ISX: variants seen among roughly 807,000 people sequenced by gnomAD.
ISX encodes intestine specific homeobox, also known as intestine-specific homeobox.
ISX carries 15 observed loss-of-function variants against 16.9 expected under a neutral mutation model. The observed-to-expected ratio is 0.89, with a 90% CI of 0.59 to 1.36. The LOEUF (loss-of-function observed/expected upper bound fraction) is 1.36, where lower values mean the gene tolerates loss of function less well. ISX is among the 40% of genes most tolerant of loss of function. ISX has a pLI of 0.00. For missense variants in ISX, 316 were observed against 306.1 expected (o/e 1.03, Z -0.24); for synonymous variants, 125 against 119.7 (o/e 1.04, Z -0.29).
rs1929235578 is a variant in ISX, at chr22:35,085,653, C to G, written c.698C>G (p.Pro233Arg). ...CCTGTGCTATGCATCCTTCCACCTC[C>G]ACACCCCAAATGGGGCAGCATCTGT... The part of the protein sequence containing the change: ...CIPVLCILPP[P>R]HPKWGSICAT... The change falls in exon 5 of 5, where the codon CCA becomes CGA. Residue 233 changes from proline (P) to arginine (R), a missense_variant. Pro to Arg is a moderately radical substitution (Grantham distance 103). Transcript: ENST00000404699. 1 of 1,614,140 alleles carries G rather than the reference C, an allele frequency of 6.2e-7. No homozygotes were observed. The highest frequency in any genetic ancestry group is 8.5e-7 in the Non-Finnish European group (1 of 1,180,056).
intron 2 of ISX, among the ~76,000 whole-genome samples, chr22:35,074,923 CAAGG>C (rs1237365754): frequency 1.3e-5 from 2 of 152,140 alleles, no homozygotes; most frequent in African/African-American, 4.8e-5. Flanking sequence ...AACTTCCCAG[CAAGG>C]AAGGGAGTTA....
chr22:35,082,621 C>T lies in ISX; in HGVS notation c.333C>T (p.Ile111=), dbSNP rs200644238. ...FHFTHYPDVH[I]RSQLAARINL... is the part of the protein sequence containing the mutation. Reference sequence around the variant, plus strand: ...TTACCCACTACCCAGACGTTCACATCCGCAGCCAGCTGGCAGCCAGGATCA... The same window carrying T: ...TTACCCACTACCCAGACGTTCACATTCGCAGCCAGCTGGCAGCCAGGATCA... The change falls in exon 3 of 5, where the codon ATC becomes ATT. Residue 111 remains isoleucine (I), a synonymous_variant. Coordinates refer to ENST00000404699, the MANE Select transcript of ISX (RefSeq NM_001303508.2). 8.7e-6 allele frequency: 14 copies of T among 1,614,174 alleles called. No individual in the cohort carries two copies. The African/African-American group carries it at 1.6e-4, about 18-fold the overall frequency.
Position 35,085,797 on chromosome 22 carries a change from A to C in ISX, c.*104A>C. 2 of 1,470,690 alleles carry C rather than the reference A, an allele frequency of 1.4e-6. No individual in the cohort carries two copies. Among genetic ancestry groups the C allele is most frequent in the Non-Finnish European group, 1.9e-6 (2 of 1,065,414 alleles). 91.1% of individuals were successfully genotyped at this position (1,470,690 alleles called of 1,614,324 possible). On this transcript the variant is annotated 3_prime_UTR_variant, in exon 5 of 5. Coordinates refer to ENST00000404699, the MANE Select transcript of ISX (RefSeq NM_001303508.2). ...GGGAAATCGATTTCACAATCCAAAA[A>C]TGGCCCACAGCCCAGGAAGCTACCC...
rs1929246363 is a variant in ISX at position 35,085,975 on chromosome 22, C to T, written c.*282C>T. 1 of 477,806 alleles carries T rather than the reference C, an allele frequency of 2.1e-6. No individual in the cohort carries two copies. Among genetic ancestry groups the T allele is most frequent in the Non-Finnish European group, 3.8e-6 (1 of 260,518 alleles). 29.6% of individuals were successfully genotyped at this position (477,806 alleles called of 1,614,324 possible). A position where few individuals can be genotyped will look rare whatever the true frequency, so the allele number is the denominator to read the frequency against. Reference sequence around the variant, plus strand: ...AGCTCTGAAATAGGGAGGTAATCCTCCAGCACCTGTGTTTCCTCTAACTTG... The same window carrying T: ...AGCTCTGAAATAGGGAGGTAATCCTTCAGCACCTGTGTTTCCTCTAACTTG... On this transcript the variant is annotated 3_prime_UTR_variant, in exon 5 of 5. Transcript: ENST00000404699.
chr22:35,075,958 G>A (rs1303779444), intron 2 of ISX, among the ~76,000 whole-genome samples: 1 of 152,162 alleles, frequency 6.6e-6, no homozygotes, highest in Non-Finnish European at 1.5e-5. Context: ...AAAGAAATGT[G>A]ACTATAATTC....
chr22:35,073,760 A>G (rs1683909542), intron 2 of ISX, among the ~76,000 whole-genome samples: 3 of 152,222 alleles, frequency 2.0e-5, no homozygotes, highest in Admixed American at 2.0e-4. Flanking sequence ...GTGATGTCCA[A>G]GGATACAACT....
In ISX at chr22:35,082,759, C is replaced by T. The variant is rs1601561480; in HGVS notation, c.381+90C>T. 15 of 1,383,464 alleles carry T rather than the reference C, an allele frequency of 1.1e-5. No homozygotes were observed. The East Asian group carries it at 2.6e-4, about 24-fold the overall frequency. The allele number at this position is 1,383,464 out of a possible 1,614,324, so 85.7% of individuals were successfully genotyped here. A position where few individuals can be genotyped will look rare whatever the true frequency, so the allele number is the denominator to read the frequency against. On this transcript the variant is annotated intron_variant, in intron 3 of 4. Coordinates refer to ENST00000404699, the MANE Select transcript of ISX (RefSeq NM_001303508.2). ...TATCCAGGGACTTTTCGGGTTGCCC[C>T]ATCTAAAAGTTTCTGTTGGCTTTAT...
At chr22:35,077,212 T>G (rs1929006138) in intron 2 of ISX, among the ~76,000 whole-genome samples, 1 of 152,242 alleles carries the variant, frequency 6.6e-6, no homozygotes, top group Non-Finnish European at 1.5e-5. Flanking sequence ...TTCCAGCCTC[T>G]TGTCTAATAA....
At chr22:35,067,845 TG>T (rs1343873684) in intron 2 of ISX, among the ~76,000 whole-genome samples, 1 of 152,174 alleles carries the variant, frequency 6.6e-6, no homozygotes, top group Non-Finnish European at 1.5e-5. Flanking sequence ...GCTGAAGCTT[TG>T]CCCAGGGGCC....
At position 35,086,385 on chromosome 22, in the gene ISX, G is replaced by A. The variant is rs1385633563; in HGVS notation, c.*692G>A. ...TTTTAAATTCTAAACAGGATTTAGT[G>A]TCTTTAGTTATCTTGCTGGATGGGA... On this transcript the variant is annotated 3_prime_UTR_variant, in exon 5 of 5. Coordinates refer to ENST00000404699, the MANE Select transcript of ISX (RefSeq NM_001303508.2). 1 of 152,806 alleles carries A rather than the reference G, an allele frequency of 6.5e-6. No homozygotes were observed. Among genetic ancestry groups the A allele is most frequent in the Non-Finnish European group, 1.5e-5 (1 of 68,514 alleles). The allele number at this position is 152,806 out of a possible 1,614,324, so 9.5% of individuals were successfully genotyped here.
intron 2 of ISX, among the ~76,000 whole-genome samples, chr22:35,078,533 A>G (rs767692722): frequency 2.6e-5 from 4 of 152,232 alleles, no homozygotes; most frequent in Non-Finnish European, 5.9e-5. Context: ...AAGGAGAGGC[A>G]GAGATGAGGC....
At chr22:35,073,639 G>T (rs1233071011) in intron 2 of ISX, among the ~76,000 whole-genome samples, 2 of 152,192 alleles carry the variant, frequency 1.3e-5, no homozygotes, top group East Asian at 3.9e-4. Flanking sequence ...ACGGAGGTCA[G>T]AAAATGCTTC....
intron 3 of ISX, among the ~76,000 whole-genome samples, chr22:35,082,952 C>A (rs1328370069): frequency 6.6e-6 from 1 of 152,200 alleles, no homozygotes; most frequent in South Asian, 2.1e-4. Flanking sequence ...AGTTCCCAAA[C>A]GTCGTTCACA....
chr22:35,071,625 C>A (rs1486154823), intron 2 of ISX, among the ~76,000 whole-genome samples: 1 of 152,128 alleles, frequency 6.6e-6, no homozygotes, highest in Non-Finnish European at 1.5e-5. Flanking sequence ...ATGCCCAGAG[C>A]CTTAATTATA....
rs1377211244 is a variant in ISX, at chr22:35,067,083, C to T, written c.-5C>T. 6.2e-7 allele frequency: 1 copy of T among 1,611,638 alleles called. No homozygotes were observed. Among genetic ancestry groups the T allele is most frequent in the Non-Finnish European group, 8.5e-7 (1 of 1,178,462 alleles). ...GCCTACACAGAGTCACCCCTGAGCCCCTCAATGTGTGCTGAGGTGGGCCCT... is the reference window on the plus strand; with the variant it reads ...GCCTACACAGAGTCACCCCTGAGCCTCTCAATGTGTGCTGAGGTGGGCCCT... On this transcript the variant is annotated 5_prime_UTR_variant, in exon 2 of 5. Coordinates refer to ENST00000404699, the MANE Select transcript of ISX (RefSeq NM_001303508.2).
chr22:35,067,117 C>CA lies in ISX; in HGVS notation c.31dup (p.Arg11LysfsTer7). On this transcript the variant is annotated frameshift_variant, in exon 2 of 5. Coordinates refer to ENST00000404699, the MANE Select transcript of ISX (RefSeq NM_001303508.2). LOFTEE classifies it high-confidence loss of function. ...GTGCTGAGGTGGGCCCTGCTCTCTG[C>CA]AGGGGTATGGAGAGAAATAGCTTGG... 1 of 1,613,964 alleles carries CA rather than the reference C, an allele frequency of 6.2e-7. No homozygotes were observed. The highest frequency in any genetic ancestry group is 8.5e-7 in the Non-Finnish European group (1 of 1,179,942).
At chr22:35,085,318 C>G in intron 4 of ISX, 136 bp from the exon 5 acceptor site, 1 of 1,089,172 alleles carries the variant, frequency 9.2e-7, no homozygotes, top group South Asian at 1.4e-5. Context: ...GAGCTAAACC[C>G]AGAAGGTCCT....
At chr22:35,082,428 G>C (rs925642063) in intron 2 of ISX, 90 bp from the exon 3 acceptor site, 2 of 1,272,858 alleles carry the variant, frequency 1.6e-6, no homozygotes, top group East Asian at 2.3e-5. Context: ...AGCAGCAGTG[G>C]GGTGGAAGGG....
chr22:35,069,611 T>C (rs1343360332), intron 2 of ISX, among the ~76,000 whole-genome samples: 1 of 152,190 alleles, frequency 6.6e-6, no homozygotes, highest in Non-Finnish European at 1.5e-5. Context: ...AGGATGGTCA[T>C]GATCCCAGGC....
Sources: allele counts gnomAD v4.1 joint callset (sites outside exome capture counted in the v4.1 genomes callset), GRCh38; gene constraint gnomAD v4.1.1; transcripts MANE v1.5; gene names NCBI Gene and HGNC (gene_info 2026-07-23, HGNC 2026-07-21).